DNAH7: variants seen among roughly 807,000 people sequenced by gnomAD.
DNAH7 encodes axonemal beta dynein heavy chain 7.
In DNAH7, 397 loss-of-function variants were observed where a neutral mutation model predicts 444.6. The ratio of observed to expected loss-of-function variants is 0.89; its 90% CI spans 0.82 to 0.97. The LOEUF (loss-of-function observed/expected upper bound fraction) is 0.97. DNAH7 is among the 50% of genes least tolerant of loss of function. The pLI is 0.00. For synonymous variants in DNAH7, 1,636 were observed against 1,624.4 expected (o/e 1.01, Z -0.17); for missense variants, 4,902 against 4,800.8 (o/e 1.02, Z -0.62).
Position 195,884,757 on chromosome 2 carries a change from T to C in DNAH7, c.5591A>G (p.Asp1864Gly), listed in dbSNP as rs1406761015. The change falls in exon 35 of 65, where the codon GAT (aspartate) becomes GGT (glycine). Residue 1864 changes from aspartate to glycine, a missense_variant. Transcript: ENST00000312428. Reference protein sequence around the residue: ...IWSVGASCTDDDRLKFNKILR... With the variant: ...IWSVGASCTDGDRLKFNKILR... ...AATCTTATTAAATTTCAATCGATCA[T>C]CATCTGTACAAGAAGCACCAACGGA... 1 of 1,614,068 alleles carries C rather than the reference T, an allele frequency of 6.2e-7. No homozygotes were observed.
In DNAH7 at chr2:196,002,060, A is replaced by G. The variant is rs189738837; in HGVS notation, c.990-202T>C. On this transcript the variant is annotated intron_variant, in intron 10 of 64. Coordinates refer to ENST00000312428, the MANE Select transcript of DNAH7 (RefSeq NM_018897.3). ...AATTTTAAATCTTAGCCAATAGAAAATTACTCAGTGATGTGATGCTGTGAG... is the reference window on the plus strand; with the variant it reads ...AATTTTAAATCTTAGCCAATAGAAAGTTACTCAGTGATGTGATGCTGTGAG... Among the ~76,000 whole-genome samples the G allele has an allele frequency of 8.5e-5, 13 of 152,352 alleles. No homozygotes were observed. The South Asian group carries it at 2.1e-3, about 24-fold the overall frequency.
At chr2:195,976,972 T>G (rs1249355609) in intron 15 of DNAH7, among the ~76,000 whole-genome samples, 5 of 152,124 alleles carry the variant, frequency 3.3e-5, no homozygotes, top group Admixed American at 2.0e-4. Context: ...ACCAAAAACT[T>G]AGATCACAAC....
In DNAH7 at chr2:196,068,678, C is replaced by T; in HGVS notation, c.15+19G>A. ...AGCGTCGCGGCGGCGGCGAGCCTGGCAAAGAGCAGCCCTCTCACCTGCTCA... is the reference window on the plus strand; with the variant it reads ...AGCGTCGCGGCGGCGGCGAGCCTGGTAAAGAGCAGCCCTCTCACCTGCTCA... On this transcript the variant is annotated intron_variant, in intron 1 of 64. Transcript: ENST00000312428. 1 of 1,550,652 alleles carries T rather than the reference C, an allele frequency of 6.4e-7. No individual in the cohort carries two copies. The highest frequency in any genetic ancestry group is 1.7e-4 in the Middle Eastern group (1 of 5,846).
At chr2:195,933,858 C>A (rs1407889686) in intron 21 of DNAH7, among the ~76,000 whole-genome samples, 1 of 151,748 alleles carries the variant, frequency 6.6e-6, no homozygotes, top group Non-Finnish European at 1.5e-5. Flanking sequence ...ATGTAACAAA[C>A]CTGCACGTTG....
At chr2:195,916,069 AACAG>A (rs1273885871) in intron 24 of DNAH7, among the ~76,000 whole-genome samples, 8 of 152,234 alleles carry the variant, frequency 5.3e-5, no homozygotes, top group Non-Finnish European at 8.8e-5. Context: ...TTTTATGGAG[AACAG>A]ACAGTCTTTT....
chr2:195,830,475 T>C (rs1396007875), intron 48 of DNAH7, among the ~76,000 whole-genome samples: 1 of 152,228 alleles, frequency 6.6e-6, no homozygotes, highest in East Asian at 1.9e-4. Context: ...TATGTTCAAC[T>C]CTGTAGCATA....
intron 58 of DNAH7, among the ~76,000 whole-genome samples, chr2:195,781,591 A>G (rs1281399587): frequency 6.6e-6 from 1 of 152,158 alleles, no homozygotes; most frequent in Non-Finnish European, 1.5e-5. Context: ...AGCAGGAGAG[A>G]GTAGGTGAAA....
intron 10 of DNAH7, among the ~76,000 whole-genome samples, chr2:196,002,208 T>C (rs1694078694): frequency 6.6e-6 from 1 of 152,230 alleles, no homozygotes; most frequent in South Asian, 2.1e-4. Context: ...AGGGAATATA[T>C]TTGTTAGTTT....
chr2:195,886,276 A>C lies in DNAH7; in HGVS notation c.5407-4T>G. On this transcript the variant is annotated splice_region_variant and splice_polypyrimidine_tract_variant and intron_variant, in intron 33 of 64. Coordinates refer to ENST00000312428, the MANE Select transcript of DNAH7 (RefSeq NM_018897.3). ...TATCGGAAGTAGGAGATAATTCCTG[A>C]AAAGTCAGTAAGAAAAATGACTAAA... is the stretch of plus-strand genomic sequence containing the variant. 3 of 1,608,908 alleles carry C rather than the reference A, an allele frequency of 1.9e-6. No individual in the cohort carries two copies. The highest frequency in any genetic ancestry group is 1.7e-6 in the Non-Finnish European group (2 of 1,178,262).
In DNAH7 at chr2:195,988,142, T is replaced by C. The variant is rs1390284021; in HGVS notation, c.1441A>G (p.Met481Val). 11 of 1,613,586 alleles carry C rather than the reference T, an allele frequency of 6.8e-6. No individual in the cohort carries two copies. The highest frequency in any genetic ancestry group is 9.3e-6 in the Non-Finnish European group (11 of 1,179,748). The change falls in exon 13 of 65, where the codon ATG becomes GTG. Residue 481 changes from methionine to valine, a missense_variant. Physicochemically the swap from Met to Val is conservative, Grantham distance 21. Transcript: ENST00000312428. ...AHKEKIKEVI[M>V]KESVAPTEHL... is the part of the protein sequence containing the mutation. ...TCAGTAGGTGCCACACTCTCTTTCA[T>C]AATAACTTCCTTGATCTTTTCTTTG...
rs557160928 is a variant in DNAH7 at position 195,916,866 on chromosome 2, G to C, written c.3935+5222C>G. ...CGTAATTCCAGCACTTCGGGAGGTG[G>C]AGGCGGGCGGATCACGAGGTCAGGA... is the stretch of plus-strand genomic sequence containing the variant. On this transcript the variant is annotated intron_variant, in intron 24 of 64. Coordinates refer to ENST00000312428, the MANE Select transcript of DNAH7 (RefSeq NM_018897.3). 5.9e-5 allele frequency among the ~76,000 whole-genome samples: 9 copies of C among 151,932 alleles called. No homozygotes were observed. The East Asian group carries it at 1.8e-3, about 30-fold the overall frequency.
intron 24 of DNAH7, among the ~76,000 whole-genome samples, chr2:195,921,860 TCAA>T (rs140930932): frequency 0.055 from 8,360 of 152,042 alleles, 286 homozygotes; most frequent in African/African-American, 0.098. Flanking sequence ...ATGGACAGCG[TCAA>T]CAACAAGTGA....
chr2:195,884,557 G>C lies in DNAH7; in HGVS notation c.5763+28C>G, dbSNP rs75729839. ...GAGAGGGGACTCTGCCAGGCTGGCA[G>C]CTGCAAATCTTGCTTCAGAACTCTT... is the stretch of plus-strand genomic sequence containing the variant. On this transcript the variant is annotated intron_variant, in intron 35 of 64. Transcript: ENST00000312428. 1.3e-5 allele frequency: 21 copies of C among 1,570,388 alleles called. No individual in the cohort carries two copies. In the Admixed American group the frequency reaches 3.3e-4, roughly 25 times the overall value.
rs548267274 is a variant in DNAH7 at position 195,962,089 on chromosome 2, T to C, written c.2206-1144A>G. Among the ~76,000 whole-genome samples, 22 of 152,304 alleles carry C rather than the reference T, an allele frequency of 1.4e-4. No homozygotes were observed. The South Asian group carries it at 4.6e-3, about 32-fold the overall frequency. On this transcript the variant is annotated intron_variant, in intron 17 of 64. Coordinates refer to ENST00000312428, the MANE Select transcript of DNAH7 (RefSeq NM_018897.3). ...TGAACACTTCCTCTTACTTTAGTTG[T>C]GAAATATGTGAGGATATGGACAGTT...
intron 1 of DNAH7, among the ~76,000 whole-genome samples, chr2:196,061,026 TA>T (rs1463816264): frequency 6.6e-6 from 1 of 152,220 alleles, no homozygotes; most frequent in Non-Finnish European, 1.5e-5. Context: ...TTGATACATG[TA>T]TAAATCGTAG....
intron 54 of DNAH7, among the ~76,000 whole-genome samples, chr2:195,800,428 G>GAA (rs1696388520): frequency 6.6e-6 from 1 of 152,060 alleles, no homozygotes; most frequent in South Asian, 2.1e-4. Context: ...GAAGTTATTT[G>GAA]GTATTTCAAT....
At chr2:196,015,518 T>C (rs1187682175) in intron 9 of DNAH7, among the ~76,000 whole-genome samples, 2 of 152,308 alleles carry the variant, frequency 1.3e-5, no homozygotes, top group Non-Finnish European at 2.9e-5. Context: ...TCTTGTGATC[T>C]TCATATACGC....
At position 195,906,947 on chromosome 2, in the gene DNAH7, T is replaced by C. The variant is rs1374410986; in HGVS notation, c.4167A>G (p.Val1389=). The C allele has an allele frequency of 3.1e-6, 5 of 1,612,760 alleles. No individual in the cohort carries two copies. The highest frequency in any genetic ancestry group is 4.5e-5 in the East Asian group (2 of 44,832). ...FDEFNRIDLE[V]LSVVAQQILT... The stretch of plus-strand genomic sequence containing the variant: ...GGATTTGTTGAGCAACCACAGAGAG[T>C]ACTTCCAAATCAATTCTGTTAAACT... The change falls in exon 26 of 65, where the codon GTA becomes GTG. Residue 1389 remains valine (V), a synonymous_variant. Coordinates refer to ENST00000312428, the MANE Select transcript of DNAH7 (RefSeq NM_018897.3).
intron 18 of DNAH7, among the ~76,000 whole-genome samples, chr2:195,958,734 T>C (rs1376520696): frequency 6.6e-6 from 1 of 152,210 alleles, no homozygotes; most frequent in Non-Finnish European, 1.5e-5. Flanking sequence ...CTAATAATTT[T>C]ACAAGTACAT....
Sources: gnomAD v4.1 joint callset for allele counts (sites outside exome capture counted in the v4.1 genomes callset) on GRCh38, gnomAD v4.1.1 for gene constraint, MANE v1.5 for transcripts, NCBI Gene and HGNC (gene_info 2026-07-23, HGNC 2026-07-21) for gene names.